Variants in NR2C2 observed in about 807,000 individuals in gnomAD.
NR2C2 encodes the protein nuclear receptor subfamily 2 group C member 2, also known as Nuclear hormone receptor TR4.
NR2C2 carries 6 observed loss-of-function variants against 62.9 expected under a neutral mutation model. The observed-to-expected ratio is 0.10, with a 90% CI of 0.05 to 0.19. The LOEUF is 0.19. Ranked by LOEUF, NR2C2 falls within the 10% of genes least tolerant of loss-of-function variation. The probability of loss-of-function intolerance (pLI) is 1.00; values close to 1 mark genes in which losing one functional copy is unlikely to be tolerated. For missense variants in NR2C2, 479 were observed against 762.7 expected (o/e 0.63, Z 4.38); for synonymous variants, 272 against 273.8 (o/e 0.99, Z 0.07).
At chr3:14,957,495 A>C (rs757407837) in intron 1 of NR2C2, among the ~76,000 whole-genome samples, 2 of 152,356 alleles carry the variant, frequency 1.3e-5, no homozygotes, top group East Asian at 3.9e-4. Context: ...ATATTGATCC[A>C]CTTGGATTTG....
At chr3:14,996,481 A>C (rs1374009412) in intron 1 of NR2C2, among the ~76,000 whole-genome samples, 1 of 152,262 alleles carries the variant, frequency 6.6e-6, no homozygotes, top group Non-Finnish European at 1.5e-5. Flanking sequence ...ACTATTCATT[A>C]ACCTTCACAC....
chr3:15,001,030 G>A (rs1465998717), intron 1 of NR2C2, among the ~76,000 whole-genome samples: 1 of 151,812 alleles, frequency 6.6e-6, no homozygotes, highest in Non-Finnish European at 1.5e-5. Context: ...TAGCCAGGGT[G>A]GTCTCAATCT....
At chr3:14,965,154 C>T (rs543475845) in intron 1 of NR2C2, among the ~76,000 whole-genome samples, 1 of 152,240 alleles carries the variant, frequency 6.6e-6, no homozygotes, top group African/African-American at 2.4e-5. Flanking sequence ...TTTTTCTCAT[C>T]AACATTATAA....
chr3:15,037,482 A>C (rs1575041579), intron 11 of NR2C2, among the ~76,000 whole-genome samples: 1 of 152,338 alleles, frequency 6.6e-6, no homozygotes, highest in East Asian at 1.9e-4. Flanking sequence ...GGTGATGCAC[A>C]CTTGTAGTCC....
At chr3:14,994,625 T>C (rs973021754) in intron 1 of NR2C2, among the ~76,000 whole-genome samples, 3 of 151,440 alleles carry the variant, frequency 2.0e-5, no homozygotes, top group African/African-American at 7.3e-5. Flanking sequence ...GTATTTTCAG[T>C]AGAGGTGGGG....
At chr3:15,002,021 G>T (rs1234434128) in intron 1 of NR2C2, among the ~76,000 whole-genome samples, 1 of 152,152 alleles carries the variant, frequency 6.6e-6, no homozygotes, top group Non-Finnish European at 1.5e-5. Context: ...ATGAGATCAT[G>T]TTATTTGCAA....
At chr3:15,029,640 C>A (rs1229772568) in intron 8 of NR2C2, among the ~76,000 whole-genome samples, 1 of 152,100 alleles carries the variant, frequency 6.6e-6, no homozygotes, top group Non-Finnish European at 1.5e-5. Context: ...TAATTTTTAA[C>A]TTTGGAGGGT....
intron 4 of NR2C2, among the ~76,000 whole-genome samples, chr3:15,019,796 G>A (rs973905939): frequency 5.3e-5 from 8 of 152,158 alleles, no homozygotes; most frequent in African/African-American, 1.4e-4. Flanking sequence ...TGACCAACTG[G>A]TACAAAGTTA....
intron 13 of NR2C2, among the ~76,000 whole-genome samples, chr3:15,041,894 A>G (rs1026948200): frequency 4.6e-5 from 7 of 152,304 alleles, no homozygotes; most frequent in Middle Eastern, 3.4e-3. Flanking sequence ...CCAGATACCT[A>G]CTATTAACAT....
intron 2 of NR2C2, among the ~76,000 whole-genome samples, chr3:15,007,099 C>A (rs969776177): frequency 1.3e-5 from 2 of 149,192 alleles, no homozygotes; most frequent in Admixed American, 1.3e-4. Flanking sequence ...TTAAATGTCA[C>A]CTTGTCACAG....
Position 14,947,919 on chromosome 3 carries a change from G to A in NR2C2, c.-40+13G>A, listed in dbSNP as rs1293960622. 3.3e-5 allele frequency: 5 copies of A among 150,204 alleles called. No homozygotes were observed. The highest frequency in any genetic ancestry group is 1.3e-4 in the Admixed American group (2 of 15,116). 9.3% of individuals were successfully genotyped at this position (150,204 alleles called of 1,614,324 possible). A position where few individuals can be genotyped will look rare whatever the true frequency, so the allele number is the denominator to read the frequency against. On this transcript the variant is annotated intron_variant, in intron 1 of 13. Coordinates refer to ENST00000425241, the MANE Select transcript of NR2C2 (RefSeq NM_001291694.2). ...GCCAAATCCTGAGGTAAAATTGAAA[G>A]AGGGTCGGGCGGGCTCGGGCCGGCG...
chr3:14,951,409 A>G (rs1173587705), intron 1 of NR2C2, among the ~76,000 whole-genome samples: 1 of 152,232 alleles, frequency 6.6e-6, no homozygotes, highest in Non-Finnish European at 1.5e-5. Flanking sequence ...AAACATTTGT[A>G]TTAACTTATT....
At chr3:15,034,172 C>T (rs1234021946) in intron 10 of NR2C2, among the ~76,000 whole-genome samples, 1 of 152,250 alleles carries the variant, frequency 6.6e-6, no homozygotes, top group East Asian at 1.9e-4. Context: ...TGGAAGCGGC[C>T]TTAGCTGGAC....
intron 4 of NR2C2, among the ~76,000 whole-genome samples, chr3:15,019,696 TA>T (rs1039522484): frequency 1.2e-4 from 17 of 147,552 alleles, no homozygotes; most frequent in East Asian, 7.9e-4. Context: ...GTGGAATCCT[TA>T]AAAAAAAAAA....
Position 15,030,296 on chromosome 3 carries a change from A to G in NR2C2, c.954A>G (p.Lys318=). Residue 318 remains lysine (K), a synonymous_variant, in exon 9 of 14, where the codon AAA becomes AAG. Transcript: ENST00000425241. ...ACAGGGCATTTGATACCTTAGCTAA[A>G]GCACTTAATACCACAGACAGCTCCT... The part of the protein sequence containing the change: ...EITRAFDTLA[K]ALNTTDSSSS... 1 of 1,611,286 alleles carries G rather than the reference A, an allele frequency of 6.2e-7. No homozygotes were observed. The highest frequency in any genetic ancestry group is 1.1e-5 in the South Asian group (1 of 90,478).
intron 1 of NR2C2, among the ~76,000 whole-genome samples, chr3:14,996,075 T>G (rs1377152941): frequency 6.6e-6 from 1 of 152,242 alleles, no homozygotes; most frequent in East Asian, 1.9e-4. Context: ...TAAAAGTCCC[T>G]TATCAAATGT....
At chr3:15,009,587 C>T (rs1285090373) in intron 2 of NR2C2, among the ~76,000 whole-genome samples, 1 of 152,144 alleles carries the variant, frequency 6.6e-6, no homozygotes, top group Non-Finnish European at 1.5e-5. Flanking sequence ...CAGAAAACAA[C>T]ACATATCTTC....
intron 8 of NR2C2, among the ~76,000 whole-genome samples, chr3:15,029,645 G>A (rs954585557): frequency 3.9e-5 from 6 of 152,156 alleles, no homozygotes; most frequent in Non-Finnish European, 4.4e-5. Flanking sequence ...TTTAACTTTG[G>A]AGGGTACTTG....
chr3:14,987,626 C>G (rs572983059), intron 1 of NR2C2, among the ~76,000 whole-genome samples: 1 of 152,164 alleles, frequency 6.6e-6, no homozygotes, highest in Non-Finnish European at 1.5e-5. Context: ...TCGTACTTGT[C>G]TTCCTCCATA....
Sources: allele counts gnomAD v4.1 joint callset (sites outside exome capture counted in the v4.1 genomes callset), GRCh38; gene constraint gnomAD v4.1.1; transcripts MANE v1.5; gene names NCBI Gene and HGNC (gene_info 2026-07-23, HGNC 2026-07-21).